Variants in PRRC1 observed in about 807,000 individuals in gnomAD.
PRRC1 encodes protein PRRC1.
Under a neutral mutation model 40.7 loss-of-function variants are expected in PRRC1, and 39 were observed. The ratio of observed to expected loss-of-function variants is 0.96; its 90% CI spans 0.74 to 1.25. The LOEUF (loss-of-function observed/expected upper bound fraction) is 1.25, where lower values mean the gene tolerates loss of function less well. PRRC1 is among the 50% of genes most tolerant of loss of function. The probability of loss-of-function intolerance (pLI) is 0.00; values close to 1 mark genes in which losing one functional copy is unlikely to be tolerated. For missense variants in PRRC1, 573 were observed against 548.3 expected (o/e 1.05, Z -0.45); for synonymous variants, 175 against 193.3 (o/e 0.91, Z 0.79).
At chr5:127,542,169 C>T (rs1451877101) in intron 7 of PRRC1, among the ~76,000 whole-genome samples, 124 of 152,132 alleles carry the variant, frequency 8.2e-4, no homozygotes, top group Non-Finnish European at 9.7e-4. Context: ...TCAGTTTCCA[C>T]GTAGTTGAGC....
chr5:127,533,872 T>G (rs1767834690), intron 6 of PRRC1, 86 bp downstream of exon 6: 2 of 1,399,844 alleles, frequency 1.4e-6, no homozygotes, highest in African/African-American at 2.8e-5. Context: ...TCTATGGAGC[T>G]AATAGACTTT....
At chr5:127,543,241 T>C (rs1366235762) in intron 7 of PRRC1, among the ~76,000 whole-genome samples, 5 of 152,192 alleles carry the variant, frequency 3.3e-5, no homozygotes, top group East Asian at 1.9e-4. Context: ...CCGAGAGATC[T>C]GCTGTTAGTC....
intron 7 of PRRC1, among the ~76,000 whole-genome samples, chr5:127,545,860 A>G (rs1486474412): frequency 6.6e-6 from 1 of 151,306 alleles, no homozygotes; most frequent in Non-Finnish European, 1.5e-5. Flanking sequence ...GGCTGCTTTT[A>G]GGATTTTCTC....
chr5:127,551,577 G>C (rs897936589), intron 8 of PRRC1, 130 bp from the exon 9 acceptor site: 2 of 913,584 alleles, frequency 2.2e-6, no homozygotes, highest in African/African-American at 1.7e-5. Context: ...TGGCAGCCTA[G>C]CTGTATTTCT....
At chr5:127,535,792 A>G (rs1279092287) in intron 6 of PRRC1, among the ~76,000 whole-genome samples, 3 of 152,132 alleles carry the variant, frequency 2.0e-5, no homozygotes, top group Non-Finnish European at 4.4e-5. Flanking sequence ...AGCATATTTC[A>G]TTGGGGAAAA....
chr5:127,524,516 T>A lies in PRRC1; in HGVS notation c.104-15T>A. ...TTTCTAATTCTGTGCTTTTATCCTCTCCACTTTTTTCTAGCGGCAACCAGT... is the reference window on the plus strand; with the variant it reads ...TTTCTAATTCTGTGCTTTTATCCTCACCACTTTTTTCTAGCGGCAACCAGT... On this transcript the variant is annotated splice_polypyrimidine_tract_variant and intron_variant, in intron 2 of 8. Transcript: ENST00000296666. 1 of 1,585,242 alleles carries A rather than the reference T, an allele frequency of 6.3e-7. No homozygotes were observed. Among genetic ancestry groups the A allele is most frequent in the Non-Finnish European group, 8.6e-7 (1 of 1,163,632 alleles).
chr5:127,537,843 T>G (rs142020527), intron 6 of PRRC1, among the ~76,000 whole-genome samples: 161 of 152,152 alleles, frequency 1.1e-3, no homozygotes, highest in African/African-American at 3.5e-3. Flanking sequence ...TATAAATAAC[T>G]AAGTTCATCT....
intron 8 of PRRC1, chr5:127,550,510 A>C (rs2127119999): frequency 6.6e-6 from 1 of 152,336 alleles, no homozygotes; most frequent in African/African-American, 2.4e-5. Context: ...AAAAAACCCC[A>C]GCTGTTCTGG....
rs1049676285 is a variant in PRRC1 at position 127,553,341 on chromosome 5, T to C, written c.*1425T>C. 1.9e-5 allele frequency: 19 copies of C among 984,558 alleles called. No individual in the cohort carries two copies. The highest frequency in any genetic ancestry group is 2.3e-5 in the Non-Finnish European group (19 of 828,998). The allele number at this position is 984,558 out of a possible 1,614,324, so 61.0% of individuals were successfully genotyped here. A position where few individuals can be genotyped will look rare whatever the true frequency, so the allele number is the denominator to read the frequency against. On this transcript the variant is annotated 3_prime_UTR_variant, in exon 9 of 9. Transcript: ENST00000296666. ...GAATATTAAATTTGAATATTAAATA[T>C]ATGTTACTTTCCAAGCACTGTATAA...
At chr5:127,527,757 CAAAAAAA>C (rs11395244) in intron 4 of PRRC1, among the ~76,000 whole-genome samples, 10 of 80,264 alleles carry the variant, frequency 1.2e-4, no homozygotes, top group Non-Finnish European at 2.3e-4. Flanking sequence ...GACACTGTCT[CAAAAAAA>C]AAAAAAAAAA....
chr5:127,518,692 C>T (rs988408006), intron 1 of PRRC1, among the ~76,000 whole-genome samples: 10 of 151,756 alleles, frequency 6.6e-5, no homozygotes, highest in Non-Finnish European at 1.3e-4. Context: ...ATCAGAGCTT[C>T]ACTCTTCCAT....
chr5:127,537,355 G>C (rs1767926522), intron 6 of PRRC1, among the ~76,000 whole-genome samples: 1 of 151,584 alleles, frequency 6.6e-6, no homozygotes, highest in African/African-American at 2.4e-5. Context: ...TCAAAACATT[G>C]GTAGGGACTA....
chr5:127,529,738 C>T (rs1767715204), intron 4 of PRRC1, among the ~76,000 whole-genome samples: 1 of 151,806 alleles, frequency 6.6e-6, no homozygotes, highest in Non-Finnish European at 1.5e-5. Context: ...ATATAAATGG[C>T]GAGTTTGGGA....
rs189575461 is a variant in PRRC1, at chr5:127,530,097, G to A, written c.655-197G>A. 4.6e-5 allele frequency among the ~76,000 whole-genome samples: 7 copies of A among 152,178 alleles called. No individual in the cohort carries two copies. In the East Asian group the frequency reaches 1.2e-3, roughly 25 times the overall value. ...GTAGATTGCTGCTGGTCTACACACTGCTGAGTCAGGAAAAAAAATTGAGAG... is the reference window on the plus strand; with the variant it reads ...GTAGATTGCTGCTGGTCTACACACTACTGAGTCAGGAAAAAAAATTGAGAG... On this transcript the variant is annotated intron_variant, in intron 4 of 8. Transcript: ENST00000296666.
chr5:127,534,074 A>T (rs986187258), intron 6 of PRRC1, among the ~76,000 whole-genome samples: 1 of 152,204 alleles, frequency 6.6e-6, no homozygotes, highest in Admixed American at 6.5e-5. Context: ...TTAACATTCA[A>T]ATCAATTACT....
chr5:127,518,961 T>C (rs192743742), intron 1 of PRRC1, among the ~76,000 whole-genome samples: 486 of 152,336 alleles, frequency 3.2e-3, no homozygotes, highest in Non-Finnish European at 4.9e-3. Flanking sequence ...GCACTATGTT[T>C]ATGCATGTAA....
Position 127,526,672 on chromosome 5 carries a change from G to C in PRRC1, c.548G>C (p.Gly183Ala). 1 of 1,613,550 alleles carries C rather than the reference G, an allele frequency of 6.2e-7. No homozygotes were observed. Among genetic ancestry groups the C allele is most frequent in the Non-Finnish European group, 8.5e-7 (1 of 1,179,698 alleles). Residue 183 changes from glycine to alanine, a missense_variant, in exon 4 of 9, where the codon GGA (glycine) becomes GCA (alanine). By Grantham distance (60) the Gly-to-Ala change is moderately conservative. Coordinates refer to ENST00000296666, the MANE Select transcript of PRRC1 (RefSeq NM_130809.5). The stretch of plus-strand genomic sequence containing the variant: ...GCCAGTTTGACATCTCTGGCACAGG[G>C]AACTGGAACCACATCAGCCATTACT... ...QQASLTSLAQ[G>A]TGTTSAITFP...
At chr5:127,522,458 A>G (rs1429024651) in intron 1 of PRRC1, among the ~76,000 whole-genome samples, 2 of 152,076 alleles carry the variant, frequency 1.3e-5, no homozygotes, top group Non-Finnish European at 2.9e-5. Flanking sequence ...TGGCATTCTC[A>G]CTGCTCCCTG....
chr5:127,532,742 C>A (rs173025), intron 5 of PRRC1, among the ~76,000 whole-genome samples: 67,032 of 152,032 alleles, frequency 0.44, 16,053 homozygotes, highest in African/African-American at 0.62. Context: ...AATATCTTTC[C>A]CTGTTCCACA....
Sources: allele counts gnomAD v4.1 joint callset (sites outside exome capture counted in the v4.1 genomes callset), GRCh38; gene constraint gnomAD v4.1.1; transcripts MANE v1.5; gene names NCBI Gene and HGNC (gene_info 2026-07-23, HGNC 2026-07-21).